Variants in DLG2 observed in about 807,000 individuals in gnomAD.
The protein encoded by DLG2 is disks large homolog 2.
A neutral mutation model predicts 132.5 loss-of-function variants in DLG2; 45 were observed. The observed-to-expected ratio is 0.34, with a 90% CI of 0.27 to 0.44. The LOEUF is 0.44. Ranked by LOEUF, DLG2 falls within the 20% of genes least tolerant of loss-of-function variation. The pLI, the probability that DLG2 is intolerant of heterozygous loss-of-function variation, is 1.00. For synonymous variants in DLG2, 424 were observed against 419.6 expected (o/e 1.01, Z -0.13); for missense variants, 1,045 against 1,196.9 (o/e 0.87, Z 1.87).
At chr11:84,811,926 T>A (rs2076601810) in intron 6 of DLG2, among the ~76,000 whole-genome samples, 1 of 152,122 alleles carries the variant, frequency 6.6e-6, no homozygotes, top group Non-Finnish European at 1.5e-5. Flanking sequence ...CACAGGAAGA[T>A]ACAGTGAGTG....
At chr11:84,477,500 A>AAAAT (rs2099124991) in intron 7 of DLG2, among the ~76,000 whole-genome samples, 1 of 152,126 alleles carries the variant, frequency 6.6e-6, no homozygotes, top group African/African-American at 2.4e-5. Flanking sequence ...TGTCTCAAGA[A>AAAAT]AAATAAATAA....
intron 7 of DLG2, among the ~76,000 whole-genome samples, chr11:84,414,825 T>C (rs1651170929): frequency 6.6e-6 from 1 of 152,204 alleles, no homozygotes; most frequent in Non-Finnish European, 1.5e-5. Context: ...TGTATTTTAT[T>C]ATGCATAGCA....
chr11:84,052,857 T>C (rs190843924), intron 11 of DLG2, among the ~76,000 whole-genome samples: 1 of 152,082 alleles, frequency 6.6e-6, no homozygotes, highest in East Asian at 1.9e-4. Context: ...CTGTGGAAGA[T>C]AGTCCTCAAA....
intron 3 of DLG2, among the ~76,000 whole-genome samples, chr11:85,576,997 A>T (rs1203051370): frequency 6.6e-6 from 1 of 152,108 alleles, no homozygotes; most frequent in African/African-American, 2.4e-5. Flanking sequence ...GGAAAAGTTC[A>T]AGTCCAACAT....
At chr11:85,309,088 C>G (rs568408166) in intron 3 of DLG2, among the ~76,000 whole-genome samples, 2 of 152,210 alleles carry the variant, frequency 1.3e-5, no homozygotes, top group East Asian at 3.9e-4. Flanking sequence ...GTTGTCCAGT[C>G]TCCTATATTT....
At chr11:85,572,285 A>G (rs2077887177) in intron 3 of DLG2, among the ~76,000 whole-genome samples, 1 of 152,138 alleles carries the variant, frequency 6.6e-6, no homozygotes, top group Non-Finnish European at 1.5e-5. Context: ...AGTTTTCATC[A>G]CATGGAAAAT....
At position 85,415,210 on chromosome 11, in the gene DLG2, T is replaced by C. The variant is rs900224957; in HGVS notation, c.41-129845A>G. ...TGAACTCATCCTTTTTATGGCTGCA[T>C]AGTATTCCATGGCATATATGTGCCA... On this transcript the variant is annotated intron_variant, in intron 3 of 27. Transcript: ENST00000376104. 2.0e-4 allele frequency among the ~76,000 whole-genome samples: 31 copies of C among 152,220 alleles called. 1 individual carries two copies. The highest frequency in any genetic ancestry group is 1.2e-3 in the East Asian group (6 of 5,198).
rs553774645 is a variant in DLG2, at chr11:85,081,420, C to G, written c.357+30241G>C. On this transcript the variant is annotated intron_variant, in intron 6 of 27. Transcript: ENST00000376104. Reference sequence around the variant, plus strand: ...CTCAGAAGTAAAAGTTTTACTTTGGCCTTCTTTTGCCCTTCTATCTTGCAG... The same window carrying G: ...CTCAGAAGTAAAAGTTTTACTTTGGGCTTCTTTTGCCCTTCTATCTTGCAG... Among the ~76,000 whole-genome samples the G allele has an allele frequency of 2.6e-5, 4 of 152,226 alleles. No individual in the cohort carries two copies. In the South Asian group the frequency reaches 8.3e-4, roughly 32 times the overall value.
intron 6 of DLG2, among the ~76,000 whole-genome samples, chr11:84,708,185 A>C (rs551639197): frequency 6.6e-5 from 10 of 151,898 alleles, no homozygotes; most frequent in Non-Finnish European, 1.2e-4. Flanking sequence ...GAGAATTTTC[A>C]TCTTAATGTG....
At chr11:85,235,807 T>C (rs1330317673) in intron 4 of DLG2, among the ~76,000 whole-genome samples, 2 of 151,866 alleles carry the variant, frequency 1.3e-5, no homozygotes, top group African/African-American at 4.8e-5. Context: ...AGGCTTTGAA[T>C]GCCAGAATAG....
chr11:83,483,932 C>CTTCT (rs1041037623), intron 22 of DLG2, among the ~76,000 whole-genome samples, 197 bp downstream of exon 22: 5 of 152,100 alleles, frequency 3.3e-5, no homozygotes, highest in African/African-American at 9.7e-5. Flanking sequence ...TCTCCAATGC[C>CTTCT]TTCTGCAAAG....
intron 3 of DLG2, among the ~76,000 whole-genome samples, chr11:85,417,085 T>C (rs1434619920): frequency 6.6e-6 from 1 of 152,202 alleles, no homozygotes. Flanking sequence ...GAGTTTGTCA[T>C]AAATAGCTCT....
intron 18 of DLG2, among the ~76,000 whole-genome samples, chr11:83,714,806 G>A (rs977402297): frequency 1.3e-5 from 2 of 152,328 alleles, no homozygotes; most frequent in East Asian, 1.9e-4. Context: ...CGTGTGCCAC[G>A]TTGGTGGGAG....
intron 6 of DLG2, among the ~76,000 whole-genome samples, chr11:85,085,882 G>A (rs373974066): frequency 1.3e-4 from 20 of 152,088 alleles, no homozygotes; most frequent in East Asian, 9.6e-4. Flanking sequence ...TTGGATGAGT[G>A]AATAGTTTTA....
At chr11:84,978,845 A>G (rs2055309522) in intron 6 of DLG2, among the ~76,000 whole-genome samples, 1 of 152,228 alleles carries the variant, frequency 6.6e-6, no homozygotes, top group African/African-American at 2.4e-5. Flanking sequence ...GCGTCTGCAC[A>G]GCAAAAGAAA....
intron 18 of DLG2, among the ~76,000 whole-genome samples, chr11:83,657,026 G>C (rs1296081097): frequency 6.6e-6 from 1 of 152,110 alleles, no homozygotes; most frequent in East Asian, 1.9e-4. Flanking sequence ...CAGTGCAAAT[G>C]CCACCTCCTC....
intron 6 of DLG2, among the ~76,000 whole-genome samples, chr11:84,877,069 T>G (rs1442571423): frequency 2.0e-5 from 3 of 152,194 alleles, no homozygotes; most frequent in Non-Finnish European, 4.4e-5. Flanking sequence ...ATGATTTCCA[T>G]TCTTTTGCAT....
chr11:84,108,609 T>C (rs997340425), intron 9 of DLG2, among the ~76,000 whole-genome samples: 4 of 151,722 alleles, frequency 2.6e-5, no homozygotes, highest in African/African-American at 4.8e-5. Flanking sequence ...AGCTATGCAG[T>C]GGTAAGAAAG....
chr11:85,221,212 T>G (rs2152607270), intron 4 of DLG2, among the ~76,000 whole-genome samples: 1 of 151,990 alleles, frequency 6.6e-6, no homozygotes, highest in Admixed American at 6.6e-5. Context: ...CCGGCTAATT[T>G]TTTGTATTTT....
Sources: allele counts gnomAD v4.1 joint callset (sites outside exome capture counted in the v4.1 genomes callset), GRCh38; gene constraint gnomAD v4.1.1; transcripts MANE v1.5; gene names NCBI Gene and HGNC (gene_info 2026-07-23, HGNC 2026-07-21).